The following SV2C variants were observed in gnomAD, a reference collection of about 807,000 sequenced individuals.
The protein encoded by SV2C is solute carrier family 22 member B3.
In SV2C, 49 loss-of-function variants were observed where a neutral mutation model predicts 79.7. The ratio of observed to expected loss-of-function variants is 0.61; its 90% CI spans 0.49 to 0.78. The LOEUF (loss-of-function observed/expected upper bound fraction) is 0.78. Among genes scored for constraint, SV2C ranks in the 30% least tolerant of loss-of-function variants. The pLI is 0.00. For synonymous variants in SV2C, 334 were observed against 333.2 expected (o/e 1.00, Z -0.03); for missense variants, 833 against 912.9 (o/e 0.91, Z 1.13).
Position 76,231,594 on chromosome 5 carries a change from C to A in SV2C, c.913+21707C>A, listed in dbSNP as rs184713853. On this transcript the variant is annotated intron_variant, in intron 4 of 12. Coordinates refer to ENST00000502798, the MANE Select transcript of SV2C (RefSeq NM_014979.4). ...CAATGCTATCCCTCCCCGCTCCCCC[C>A]ACTCCACCACAGTCCCCAGAGTGTG... Among the ~76,000 whole-genome samples the A allele has an allele frequency of 8.8e-3, 1,256 of 142,906 alleles. 21 individuals carry two copies. The highest frequency in any genetic ancestry group is 0.033 in the South Asian group (154 of 4,704). The allele number at this position is 142,906 out of a possible 152,430, so 93.8% of individuals were successfully genotyped here.
Position 76,326,716 on chromosome 5 carries a change from G to A in SV2C, c.*1169G>A, listed in dbSNP as rs1749008042. 1 of 152,574 alleles carries A rather than the reference G, an allele frequency of 6.6e-6. No homozygotes were observed. Among genetic ancestry groups the A allele is most frequent in the Non-Finnish European group, 1.5e-5 (1 of 68,298 alleles). The allele number at this position is 152,574 out of a possible 1,614,324, so 9.5% of individuals were successfully genotyped here. ...CTCCCTGTAAAATCACAGCCCGCCTGCACTCCTGAGGGCCCCTCTCACAGA... is the reference window on the plus strand; with the variant it reads ...CTCCCTGTAAAATCACAGCCCGCCTACACTCCTGAGGGCCCCTCTCACAGA... On this transcript the variant is annotated 3_prime_UTR_variant, in exon 13 of 13. Transcript: ENST00000502798.
the SV2C span, among the ~76,000 whole-genome samples, chr5:76,066,395 C>T: frequency 1.5e-5 from 2 of 131,256 alleles, no homozygotes; most frequent in African/African-American, 5.9e-5. Flanking sequence ...GGGAATTGAA[C>T]AATGAGAACA....
the SV2C span, among the ~76,000 whole-genome samples, chr5:76,017,733 G>A: frequency 6.6e-6 from 1 of 152,134 alleles, no homozygotes. Flanking sequence ...TCCTGTTGGG[G>A]TGGATAAGAG....
At chr5:75,873,937 C>T in the SV2C span, among the ~76,000 whole-genome samples, 19 of 152,120 alleles carry the variant, frequency 1.2e-4, no homozygotes, top group African/African-American at 2.4e-4. Context: ...AAAAAAAGCC[C>T]GAGACCTGAT....
At chr5:75,981,485 A>G in the SV2C span, among the ~76,000 whole-genome samples, 1 of 152,226 alleles carries the variant, frequency 6.6e-6, no homozygotes, top group Non-Finnish European at 1.5e-5. Context: ...CAGCTACAGT[A>G]AACAAACAAC....
At chr5:75,858,348 C>T in the SV2C span, among the ~76,000 whole-genome samples, 16 of 152,226 alleles carry the variant, frequency 1.1e-4, no homozygotes, top group East Asian at 1.2e-3. Context: ...TGTTCAGCAT[C>T]GATTGAAATA....
intron 1 of SV2C, among the ~76,000 whole-genome samples, chr5:76,125,360 T>G (rs966636605): frequency 1.6e-4 from 24 of 152,234 alleles, no homozygotes; most frequent in Middle Eastern, 3.4e-3. Flanking sequence ...TTATCCTGCT[T>G]CTTTCAATTA....
the SV2C span, among the ~76,000 whole-genome samples, chr5:75,999,992 G>T: frequency 4.6e-5 from 7 of 152,050 alleles, no homozygotes; most frequent in African/African-American, 1.7e-4. Flanking sequence ...TAATACTGTT[G>T]CATTGAGGAT....
chr5:75,861,021 C>T, the SV2C span, among the ~76,000 whole-genome samples: 2 of 152,034 alleles, frequency 1.3e-5, no homozygotes, highest in Admixed American at 6.6e-5. Context: ...TGGACATTGG[C>T]CTTTGCAAAG....
intron 1 of SV2C, among the ~76,000 whole-genome samples, chr5:76,088,283 A>G (rs757043395): frequency 6.6e-6 from 1 of 152,216 alleles, no homozygotes; most frequent in Non-Finnish European, 1.5e-5. Context: ...ATTTAGATAA[A>G]CAATAAAAAT....
At chr5:76,166,979 AG>A (rs1338975006) in intron 2 of SV2C, among the ~76,000 whole-genome samples, 4 of 152,204 alleles carry the variant, frequency 2.6e-5, no homozygotes, top group Non-Finnish European at 5.9e-5. Context: ...CAGCACTTAA[AG>A]GAAGTCAAGC....
Position 76,325,647 on chromosome 5 carries a change from T to C in SV2C, c.*100T>C. On this transcript the variant is annotated 3_prime_UTR_variant, in exon 13 of 13. Transcript: ENST00000502798. ...AGAGTTTTCCTATATAGAAAGGTGA[T>C]CAAGTATCAGAACATAAACACGTGC... The C allele has an allele frequency of 6.7e-7, 1 of 1,501,482 alleles. No individual in the cohort carries two copies. Among genetic ancestry groups the C allele is most frequent in the Non-Finnish European group, 8.9e-7 (1 of 1,120,734 alleles). 93.0% of individuals were successfully genotyped at this position (1,501,482 alleles called of 1,614,324 possible).
the SV2C span, among the ~76,000 whole-genome samples, chr5:75,917,665 T>TA: frequency 6.6e-6 from 1 of 152,084 alleles, no homozygotes; most frequent in South Asian, 2.1e-4. Context: ...TACCAGAGGC[T>TA]AGGAAGGGTA....
chr5:75,911,024 C>A, the SV2C span: 4 of 1,096,512 alleles, frequency 3.6e-6, no homozygotes, highest in Non-Finnish European at 5.6e-6. Context: ...TCCCTCTACA[C>A]TTTCCTTGAA....
chr5:76,025,234 G>A, the SV2C span, among the ~76,000 whole-genome samples: 8,584 of 151,484 alleles, frequency 0.057, 810 homozygotes, highest in African/African-American at 0.2. Context: ...GCAGTGCTTG[G>A]GGAAGAGACT....
intron 1 of SV2C, among the ~76,000 whole-genome samples, chr5:76,111,957 CT>C (rs749397523): frequency 1.1e-4 from 17 of 152,232 alleles, no homozygotes; most frequent in Non-Finnish European, 1.6e-4. Context: ...CATTTCCTTT[CT>C]TAAAAGGTCA....
the SV2C span, among the ~76,000 whole-genome samples, chr5:76,007,983 A>T: frequency 1.3e-5 from 2 of 152,190 alleles, no homozygotes; most frequent in Middle Eastern, 6.8e-3. Context: ...CCATAAAGAA[A>T]CCTAATGCCG....
chr5:76,303,885 A>G (rs1748097581), intron 12 of SV2C, among the ~76,000 whole-genome samples: 1 of 152,200 alleles, frequency 6.6e-6, no homozygotes, highest in Non-Finnish European at 1.5e-5. Flanking sequence ...GAGAGCTGCA[A>G]TGCAACTCTA....
chr5:76,201,842 C>T (rs1580350336), intron 3 of SV2C, among the ~76,000 whole-genome samples: 1 of 151,780 alleles, frequency 6.6e-6, no homozygotes, highest in South Asian at 2.1e-4. Flanking sequence ...CATGGTGAAA[C>T]CCCGTCTCTA....
Sources: gnomAD v4.1 joint callset for allele counts (sites outside exome capture counted in the v4.1 genomes callset) on GRCh38, gnomAD v4.1.1 for gene constraint, MANE v1.5 for transcripts, NCBI Gene and HGNC (gene_info 2026-07-23, HGNC 2026-07-21) for gene names.